RHEB: variants seen among roughly 807,000 people sequenced by gnomAD.
The protein encoded by RHEB is GTP-binding protein Rheb.
RHEB carries 2 observed loss-of-function variants against 28.8 expected under a neutral mutation model. The observed-to-expected ratio is 0.07, with a 90% CI of 0.03 to 0.22. The LOEUF (loss-of-function observed/expected upper bound fraction) is 0.22, where lower values mean the gene tolerates loss of function less well. Ranked by LOEUF, RHEB falls within the 10% of genes least tolerant of loss-of-function variation. The probability of loss-of-function intolerance (pLI) is 1.00; values close to 1 mark genes in which losing one functional copy is unlikely to be tolerated. For synonymous variants in RHEB, 69 were observed against 77.3 expected, an observed-to-expected ratio of 0.89 and a Z score of 0.56; for missense variants, 76 against 219.9, an observed-to-expected ratio of 0.35 and a Z score of 4.14.
chr7:151,473,251 C>CAAGGA (rs1395560817), intron 4 of RHEB, among the ~76,000 whole-genome samples: 1 of 152,240 alleles, frequency 6.6e-6, no homozygotes, highest in African/African-American at 2.4e-5. Context: ...AAGCACCTGG[C>CAAGGA]AAGGAGCAGA....
intron 1 of RHEB, chr7:151,503,459 A>C (rs1334826105): frequency 8.6e-7 from 1 of 1,156,834 alleles, no homozygotes; most frequent in East Asian, 2.4e-5. Flanking sequence ...GACCTTGATG[A>C]CTAGACATGA....
chr7:151,517,180 G>GA lies in RHEB; in HGVS notation c.52+2279_52+2280insT, dbSNP rs1199305616. 2.6e-5 allele frequency among the ~76,000 whole-genome samples: 4 copies of GA among 152,058 alleles called. No individual in the cohort carries two copies. In the East Asian group the frequency reaches 7.7e-4, roughly 29 times the overall value. On this transcript the variant is annotated intron_variant, in intron 1 of 7. Transcript: ENST00000262187. ...GGCGTTTGAGACAAGCCTGACGTTT[G>GA]GCCAAGTGGTGAAACCCGTCTCTAC... is the stretch of plus-strand genomic sequence containing the variant.
intron 2 of RHEB, among the ~76,000 whole-genome samples, chr7:151,489,560 G>T (rs560042344): frequency 4.6e-5 from 7 of 152,314 alleles, no homozygotes; most frequent in African/African-American, 1.4e-4. Flanking sequence ...TATTTTAAGC[G>T]AGGGGTGAGC....
At chr7:151,473,345 C>T (rs1584847595) in intron 4 of RHEB, among the ~76,000 whole-genome samples, 1 of 152,174 alleles carries the variant, frequency 6.6e-6, no homozygotes, top group Non-Finnish European at 1.5e-5. Flanking sequence ...TCAAGAGCCA[C>T]GTGAACACGC....
chr7:151,514,345 A>AT (rs1347352270), intron 1 of RHEB, among the ~76,000 whole-genome samples: 1 of 152,230 alleles, frequency 6.6e-6, no homozygotes, highest in Non-Finnish European at 1.5e-5. Context: ...CACCAAAAGC[A>AT]TAAGTGGCAG....
At chr7:151,497,693 G>A (rs945012225) in intron 1 of RHEB, among the ~76,000 whole-genome samples, 1 of 152,178 alleles carries the variant, frequency 6.6e-6, no homozygotes, top group Non-Finnish European at 1.5e-5. Flanking sequence ...TGGAGCTCCT[G>A]AGCTGGGCAT....
At chr7:151,487,998 C>T (rs895166757) in intron 2 of RHEB, among the ~76,000 whole-genome samples, 21 of 152,212 alleles carry the variant, frequency 1.4e-4, no homozygotes, top group Non-Finnish European at 3.1e-4. Context: ...GACGCAGTGC[C>T]TTGAGAATGC....
At chr7:151,484,474 T>C (rs935258734) in intron 3 of RHEB, among the ~76,000 whole-genome samples, 2 of 152,190 alleles carry the variant, frequency 1.3e-5, no homozygotes, top group Non-Finnish European at 2.9e-5. Context: ...CTCCTTGACT[T>C]ATGATGGGGT....
At chr7:151,499,689 G>A (rs1393948163) in intron 1 of RHEB, among the ~76,000 whole-genome samples, 4 of 152,302 alleles carry the variant, frequency 2.6e-5, no homozygotes, top group Middle Eastern at 3.4e-3. Context: ...CCTACTCCAC[G>A]TGTAATTGTG....
chr7:151,515,550 G>A (rs1163688624), intron 1 of RHEB, among the ~76,000 whole-genome samples: 2 of 152,146 alleles, frequency 1.3e-5, no homozygotes, highest in Non-Finnish European at 2.9e-5. Flanking sequence ...GGGCACTTCA[G>A]GACTACCCCC....
rs6956899 is a variant in RHEB, at chr7:151,471,448, G to A, written c.333-7C>T. ...AACCAACATAATAGGTATTCTATTT[G>A]TAAGAAAAAAAAGACAAACCAGTAA... On this transcript the variant is annotated splice_region_variant and splice_polypyrimidine_tract_variant and intron_variant, in intron 5 of 7. Coordinates refer to ENST00000262187, the MANE Select transcript of RHEB (RefSeq NM_005614.4). 793,562 of 1,563,744 alleles carry A rather than the reference G, an allele frequency of 0.51. 203,725 individuals are homozygous for A. Among genetic ancestry groups the A allele is most frequent in the South Asian group, 0.59 (51,447 of 87,782 alleles).
intron 1 of RHEB, among the ~76,000 whole-genome samples, chr7:151,507,324 T>C (rs1802901683): frequency 6.6e-6 from 1 of 152,122 alleles, no homozygotes; most frequent in African/African-American, 2.4e-5. Flanking sequence ...TATGGCAGGA[T>C]TGGTGGTTGT....
intron 1 of RHEB, chr7:151,519,027 C>T (rs180978352): frequency 6.6e-6 from 1 of 152,430 alleles, no homozygotes; most frequent in East Asian, 1.9e-4. Context: ...CTTTCTTTTC[C>T]TTACATCGGG....
chr7:151,476,773 C>G (rs1346957639), intron 4 of RHEB, among the ~76,000 whole-genome samples: 9 of 152,112 alleles, frequency 5.9e-5, no homozygotes, highest in Non-Finnish European at 1.5e-5. Context: ...GCCAGCTGTT[C>G]TGTTAACAGA....
At chr7:151,501,042 T>C (rs1028461926) in intron 1 of RHEB, among the ~76,000 whole-genome samples, 7 of 152,076 alleles carry the variant, frequency 4.6e-5, no homozygotes, top group Non-Finnish European at 7.4e-5. Flanking sequence ...AGAAGAAGCA[T>C]TGGAAAAAAA....
At chr7:151,482,762 G>GA (rs1802401028) in intron 3 of RHEB, among the ~76,000 whole-genome samples, 1 of 152,124 alleles carries the variant, frequency 6.6e-6, no homozygotes, top group African/African-American at 2.4e-5. Context: ...CCACAACTCT[G>GA]AAAGTGTCTT....
chr7:151,469,861 G>C (rs1235182433), intron 7 of RHEB, among the ~76,000 whole-genome samples: 1 of 152,086 alleles, frequency 6.6e-6, no homozygotes, highest in African/African-American at 2.4e-5. Context: ...ATAGAGAAGG[G>C]GCAGTTCACT....
chr7:151,470,277 C>T (rs779521640), intron 7 of RHEB: 5 of 193,898 alleles, frequency 2.6e-5, no homozygotes, highest in Non-Finnish European at 5.2e-5. Flanking sequence ...ATTTCTGTAC[C>T]AGCTATTAAT....
chr7:151,495,533 T>C (rs1337064749), intron 1 of RHEB, among the ~76,000 whole-genome samples: 1 of 152,348 alleles, frequency 6.6e-6, no homozygotes, highest in Non-Finnish European at 1.5e-5. Context: ...CTACAGAAGG[T>C]GTACTTTCAG....
Sources: gnomAD v4.1 joint callset for allele counts (sites outside exome capture counted in the v4.1 genomes callset) on GRCh38, gnomAD v4.1.1 for gene constraint, MANE v1.5 for transcripts, NCBI Gene and HGNC (gene_info 2026-07-23, HGNC 2026-07-21) for gene names.